Variants in PPARGC1A observed in about 807,000 individuals in gnomAD.
The protein encoded by PPARGC1A is peroxisome proliferator-activated receptor gamma coactivator 1-alpha.
PPARGC1A carries 25 observed loss-of-function variants against 88.7 expected under a neutral mutation model. That is an observed-to-expected ratio of 0.28 (90% CI 0.21 to 0.39). The LOEUF (loss-of-function observed/expected upper bound fraction) is 0.39. Among genes scored for constraint, PPARGC1A ranks in the 10% least tolerant of loss-of-function variants. PPARGC1A has a pLI of 1.00. For missense variants in PPARGC1A, 880 were observed against 968.7 expected (o/e 0.91, Z 1.22); for synonymous variants, 363 against 355.6 (o/e 1.02, Z -0.24).
chr4:24,414,244 T>C, the PPARGC1A span, among the ~76,000 whole-genome samples: 2 of 152,236 alleles, frequency 1.3e-5, no homozygotes, highest in Non-Finnish European at 2.9e-5. Flanking sequence ...CATGTACATT[T>C]ATCTCATTTA....
the PPARGC1A span, among the ~76,000 whole-genome samples, chr4:24,195,971 A>G: frequency 5.3e-5 from 8 of 152,224 alleles, no homozygotes; most frequent in Non-Finnish European, 1.0e-4. Flanking sequence ...TTGGGAAGTC[A>G]GGAGGAAAGA....
chr4:24,423,944 T>C, the PPARGC1A span, among the ~76,000 whole-genome samples: 1 of 152,156 alleles, frequency 6.6e-6, no homozygotes, highest in African/African-American at 2.4e-5. Flanking sequence ...ACAATTCTTT[T>C]TGGCACCTTT....
the PPARGC1A span, among the ~76,000 whole-genome samples, chr4:24,344,127 G>GT: frequency 6.6e-6 from 1 of 150,670 alleles, no homozygotes; most frequent in Non-Finnish European, 1.5e-5. Flanking sequence ...ATATATCACA[G>GT]TTTTTTTAAT....
At chr4:23,883,926 T>C (rs1184382168) in intron 2 of PPARGC1A, 1 of 152,168 alleles carries the variant, frequency 6.6e-6, no homozygotes, top group Non-Finnish European at 1.5e-5. Flanking sequence ...CATTAGATGA[T>C]GATGATGATG....
chr4:23,856,240 C>T (rs537870778), intron 2 of PPARGC1A, among the ~76,000 whole-genome samples: 5 of 152,286 alleles, frequency 3.3e-5, no homozygotes, highest in South Asian at 2.1e-4. Context: ...AAATGCCAAA[C>T]GCTGAACTTT....
the PPARGC1A span, among the ~76,000 whole-genome samples, chr4:23,986,086 G>A: frequency 3.3e-5 from 5 of 151,980 alleles, no homozygotes; most frequent in Non-Finnish European, 7.4e-5. Context: ...CTCTGATTGT[G>A]CACTCCTGAA....
At chr4:24,324,691 T>G in the PPARGC1A span, among the ~76,000 whole-genome samples, 164 of 152,286 alleles carry the variant, frequency 1.1e-3, 1 homozygote, top group African/African-American at 3.8e-3. Context: ...TAAATAATTC[T>G]TGTCGTAAAA....
the PPARGC1A span, among the ~76,000 whole-genome samples, chr4:24,174,748 C>G: frequency 1.3e-5 from 2 of 152,120 alleles, no homozygotes; most frequent in Non-Finnish European, 2.9e-5. Context: ...CCTTTGTCAT[C>G]TAACTCACTC....
At chr4:23,834,353 G>A (rs1278663293) in intron 2 of PPARGC1A, among the ~76,000 whole-genome samples, 1 of 151,786 alleles carries the variant, frequency 6.6e-6, no homozygotes, top group Non-Finnish European at 1.5e-5. Flanking sequence ...GCTGGGTGTG[G>A]TAGCACATAC....
At chr4:24,391,686 A>C in the PPARGC1A span, among the ~76,000 whole-genome samples, 1 of 152,320 alleles carries the variant, frequency 6.6e-6, no homozygotes, top group Non-Finnish European at 1.5e-5. Flanking sequence ...TAATCTCATA[A>C]ATCTCTTCAT....
chr4:24,130,104 T>C, the PPARGC1A span, among the ~76,000 whole-genome samples: 1 of 152,212 alleles, frequency 6.6e-6, no homozygotes, highest in Middle Eastern at 3.4e-3. Flanking sequence ...CATATGTAAC[T>C]AACCTGCACG....
chr4:24,435,011 A>G, the PPARGC1A span, among the ~76,000 whole-genome samples: 14,943 of 152,264 alleles, frequency 0.098, 769 homozygotes, highest in Middle Eastern at 0.15. Context: ...ATTTCCAAAG[A>G]AATACGGCAG....
chr4:24,038,405 A>C, the PPARGC1A span, among the ~76,000 whole-genome samples: 18 of 152,158 alleles, frequency 1.2e-4, no homozygotes, highest in Non-Finnish European at 4.4e-5. Flanking sequence ...CCTATCCTCC[A>C]TAACTTGGGT....
At chr4:24,278,183 T>C in the PPARGC1A span, among the ~76,000 whole-genome samples, 1 of 151,414 alleles carries the variant, frequency 6.6e-6, no homozygotes, top group Non-Finnish European at 1.5e-5. Context: ...AAAATAAAAA[T>C]AAAAATTGAA....
the PPARGC1A span, among the ~76,000 whole-genome samples, chr4:24,296,257 A>T: frequency 1.3e-5 from 2 of 151,518 alleles, no homozygotes; most frequent in African/African-American, 4.8e-5. Flanking sequence ...TTTTAATGCC[A>T]AATGAACAAC....
intron 1 of PPARGC1A, among the ~76,000 whole-genome samples, chr4:23,898,209 A>AG (rs1385472654): frequency 6.6e-6 from 1 of 152,174 alleles, no homozygotes; most frequent in Admixed American, 6.5e-5. Flanking sequence ...GTGTGGAGGG[A>AG]GGAAAAAAGG....
At chr4:23,918,997 C>T in the PPARGC1A span, among the ~76,000 whole-genome samples, 1 of 152,076 alleles carries the variant, frequency 6.6e-6, no homozygotes, top group South Asian at 2.1e-4. Flanking sequence ...ATTTTATAAA[C>T]CATGACCCAA....
At chr4:24,179,699 G>A in the PPARGC1A span, among the ~76,000 whole-genome samples, 2 of 152,120 alleles carry the variant, frequency 1.3e-5, no homozygotes, top group African/African-American at 4.8e-5. Context: ...AGAATCATGA[G>A]CTACATAAGT....
the PPARGC1A span, among the ~76,000 whole-genome samples, chr4:24,378,108 G>C: frequency 1.3e-5 from 2 of 152,138 alleles, no homozygotes; most frequent in African/African-American, 4.8e-5. Context: ...AGGCTGAGGT[G>C]GGTAGATCAC....
Sources: allele counts gnomAD v4.1 joint callset (sites outside exome capture counted in the v4.1 genomes callset), GRCh38; gene constraint gnomAD v4.1.1; transcripts MANE v1.5; gene names NCBI Gene and HGNC (gene_info 2026-07-23, HGNC 2026-07-21).